IQCH: variants seen among roughly 807,000 people sequenced by gnomAD.
IQCH encodes IQ domain-containing protein H.
In IQCH, 98 loss-of-function variants were observed where a neutral mutation model predicts 117.0. The ratio of observed to expected loss-of-function variants is 0.84; its 90% CI spans 0.71 to 0.99. The LOEUF (loss-of-function observed/expected upper bound fraction) is 0.99. Ranked by LOEUF, IQCH falls within the 50% of genes least tolerant of loss-of-function variation. IQCH has a pLI of 0.00. For missense variants in IQCH, 1,102 were observed against 1,243.8 expected (o/e 0.89, Z 1.72); for synonymous variants, 412 against 448.2 (o/e 0.92, Z 1.02).
intron 4 of IQCH, among the ~76,000 whole-genome samples, chr15:67,301,105 G>T (rs897535390): frequency 5.9e-5 from 9 of 151,874 alleles, no homozygotes; most frequent in Non-Finnish European, 1.3e-4. Context: ...TACATAAATT[G>T]GTATCTTTTC....
chr15:67,261,906 C>T (rs1210883511), intron 2 of IQCH, among the ~76,000 whole-genome samples: 3 of 151,918 alleles, frequency 2.0e-5, no homozygotes, highest in Non-Finnish European at 2.9e-5. Context: ...GGCAACATGG[C>T]GAAACCCTGT....
rs2081901616 is a variant in IQCH, at chr15:67,426,763, C to T, written c.2505+5186C>T. Among the ~76,000 whole-genome samples, 1 of 152,038 alleles carries T rather than the reference C, an allele frequency of 6.6e-6. No individual in the cohort carries two copies. Among genetic ancestry groups the T allele is most frequent in the South Asian group, 2.1e-4 (1 of 4,824 alleles). On this transcript the variant is annotated intron_variant, in intron 16 of 20. Transcript: ENST00000335894. The surrounding 1 kb of genome is among the most constrained non-coding windows in gnomAD (Gnocchi z 5.1). ...CTGAGGCAGGAGAATTGCTTGAGCT[C>T]AGGAGTTCAATACCAGCCTGGGCAA...
chr15:67,495,455 C>T (rs1302493407), intron 20 of IQCH, among the ~76,000 whole-genome samples: 2 of 152,214 alleles, frequency 1.3e-5, no homozygotes, highest in Non-Finnish European at 2.9e-5. Flanking sequence ...TTGTCTTGGC[C>T]TCTCAAAGTG....
Position 67,395,842 on chromosome 15 carries a change from G to A in IQCH, c.1905+279G>A, listed in dbSNP as rs765905987. Among the ~76,000 whole-genome samples the A allele has an allele frequency of 6.6e-6, 1 of 151,754 alleles. No homozygotes were observed. The highest frequency in any genetic ancestry group is 2.4e-5 in the African/African-American group (1 of 41,278). Reference sequence around the variant, plus strand: ...TTTCTGTGACTTCCAGCTAATTTTTGTATTTTTAGTAGAGATGGGGTTTCA... The same window carrying A: ...TTTCTGTGACTTCCAGCTAATTTTTATATTTTTAGTAGAGATGGGGTTTCA... On this transcript the variant is annotated intron_variant, in intron 13 of 20. Coordinates refer to ENST00000335894, the MANE Select transcript of IQCH (RefSeq NM_001031715.3). This position sits in a 1 kb window ranked among gnomAD's most constrained non-coding sequence, Gnocchi z 4.0.
At chr15:67,262,141 A>G (rs16950804) in intron 2 of IQCH, among the ~76,000 whole-genome samples, 31,838 of 152,132 alleles carry the variant, frequency 0.21, 4,059 homozygotes, top group East Asian at 0.47. Flanking sequence ...AATAGCCTAA[A>G]TATTTTGAGC....
At position 67,494,140 on chromosome 15, in the gene IQCH, T is replaced by C; in HGVS notation, c.2862-118T>C. 1 of 621,266 alleles carries C rather than the reference T, an allele frequency of 1.6e-6. No individual in the cohort carries two copies. Among genetic ancestry groups the C allele is most frequent in the Non-Finnish European group, 2.7e-6 (1 of 376,116 alleles). 38.5% of individuals were successfully genotyped at this position (621,266 alleles called of 1,614,324 possible). ...TATCTCCCTGAAGATTGCCACCTTG[T>C]GAGATTGAAAATACTCATTAAATTC... On this transcript the variant is annotated intron_variant, in intron 19 of 20. Coordinates refer to ENST00000335894, the MANE Select transcript of IQCH (RefSeq NM_001031715.3). The surrounding 1 kb of genome is among the most constrained non-coding windows in gnomAD (Gnocchi z 5.5).
intron 19 of IQCH, among the ~76,000 whole-genome samples, chr15:67,492,748 G>T (rs2083695776): frequency 6.6e-6 from 1 of 152,164 alleles, no homozygotes; most frequent in South Asian, 2.1e-4. Flanking sequence ...CCAGGCAGAG[G>T]CAGGGTTCCT....
intron 4 of IQCH, among the ~76,000 whole-genome samples, chr15:67,295,933 A>G (rs1966849664): frequency 6.6e-6 from 1 of 152,092 alleles, no homozygotes; most frequent in African/African-American, 2.4e-5. Context: ...GTCTTAGTCT[A>G]ATTGTTGTCT....
Position 67,391,510 on chromosome 15 carries a change from T to C in IQCH, c.1632+2504T>C, listed in dbSNP as rs1971284098. Reference sequence around the variant, plus strand: ...TTGTAATGGTAAAATGTGCTCTTTATAAAAGTCATTATGTCTATTTTTAGA... The same window carrying C: ...TTGTAATGGTAAAATGTGCTCTTTACAAAAGTCATTATGTCTATTTTTAGA... On this transcript the variant is annotated intron_variant, in intron 12 of 20. Coordinates refer to ENST00000335894, the MANE Select transcript of IQCH (RefSeq NM_001031715.3). The surrounding 1 kb of genome is among the most constrained non-coding windows in gnomAD (Gnocchi z 4.3). 6.6e-6 allele frequency among the ~76,000 whole-genome samples: 1 copy of C among 152,192 alleles called. No individual in the cohort carries two copies. The highest frequency in any genetic ancestry group is 2.1e-4 in the South Asian group (1 of 4,830).
intron 5 of IQCH, among the ~76,000 whole-genome samples, chr15:67,340,874 G>A (rs1407995790): frequency 6.6e-6 from 1 of 152,208 alleles, no homozygotes; most frequent in East Asian, 1.9e-4. Context: ...TACAGATAGA[G>A]TGTATATCCT....
intron 6 of IQCH, among the ~76,000 whole-genome samples, chr15:67,350,907 G>A (rs1171857216): frequency 1.3e-5 from 2 of 152,178 alleles, no homozygotes; most frequent in Non-Finnish European, 2.9e-5. Flanking sequence ...GGAAAGCATA[G>A]GGAGCTGTAC....
rs758321278 is a variant in IQCH, at chr15:67,395,363, C to T, written c.1705C>T (p.Arg569Ter). 2.6e-5 allele frequency: 42 copies of T among 1,613,850 alleles called. No individual in the cohort carries two copies. The highest frequency in any genetic ancestry group is 1.8e-4 in the South Asian group (16 of 91,058). Residue 569 changes from arginine to a stop codon, truncating the protein, a stop_gained, in exon 13 of 21, where the codon CGA becomes TGA. Transcript: ENST00000335894. LOFTEE classifies it high-confidence loss of function. This position sits in a 1 kb window ranked among gnomAD's most constrained non-coding sequence, Gnocchi z 4.0. Reference sequence around the variant, plus strand: ...AATCAAAAGAATAAAAAATCTCATCCGAGGAACAGAGGCCTACATCGTCAG... The same window carrying T: ...AATCAAAAGAATAAAAAATCTCATCTGAGGAACAGAGGCCTACATCGTCAG... ...KAIKRIKNLI[R>*]GTEAYIVSGL...
chr15:67,317,549 T>C (rs1288377551), intron 4 of IQCH, among the ~76,000 whole-genome samples: 1 of 152,130 alleles, frequency 6.6e-6, no homozygotes, highest in Non-Finnish European at 1.5e-5. Flanking sequence ...TCTTTTAAGG[T>C]AGAATTAATT....
intron 18 of IQCH, among the ~76,000 whole-genome samples, chr15:67,483,175 A>G (rs1284904395): frequency 6.6e-6 from 1 of 152,196 alleles, no homozygotes; most frequent in Admixed American, 6.5e-5. Context: ...GGTTTGAGAT[A>G]TATATAAAAC....
At chr15:67,334,702 A>G (rs1968814565) in intron 4 of IQCH, among the ~76,000 whole-genome samples, 1 of 152,154 alleles carries the variant, frequency 6.6e-6, no homozygotes, top group South Asian at 2.1e-4. Context: ...GTATTTTTAA[A>G]AAGCTCCCTG....
rs2082695147 is a variant in IQCH at position 67,457,837 on chromosome 15, A to G, written c.2506-7290A>G. Among the ~76,000 whole-genome samples the G allele has an allele frequency of 1.3e-5, 2 of 152,200 alleles. No homozygotes were observed. Among genetic ancestry groups the G allele is most frequent in the Middle Eastern group, 3.4e-3 (1 of 294 alleles). The stretch of plus-strand genomic sequence containing the variant: ...CTCTCCCAAGCCACGGTCCCCTCCA[A>G]TCCCATTACTCTCAAGCTGTTGTCA... On this transcript the variant is annotated intron_variant, in intron 16 of 20. Transcript: ENST00000335894. This position sits in a 1 kb window ranked among gnomAD's most constrained non-coding sequence, Gnocchi z 5.7.
In IQCH at chr15:67,432,687, C is replaced by T. The variant is rs1355940632; in HGVS notation, c.2505+11110C>T. On this transcript the variant is annotated intron_variant, in intron 16 of 20. Transcript: ENST00000335894. The surrounding 1 kb of genome is among the most constrained non-coding windows in gnomAD (Gnocchi z 5.0). ...ATTTTTAAAAGTCACTGAGCATTATCATCATCTCAAAGTGATATATAAGCA... is the reference window on the plus strand; with the variant it reads ...ATTTTTAAAAGTCACTGAGCATTATTATCATCTCAAAGTGATATATAAGCA... Among the ~76,000 whole-genome samples the T allele has an allele frequency of 1.3e-5, 2 of 152,140 alleles. No individual in the cohort carries two copies. The highest frequency in any genetic ancestry group is 2.9e-5 in the Non-Finnish European group (2 of 68,010).
chr15:67,330,959 G>A (rs1462906670), intron 4 of IQCH, among the ~76,000 whole-genome samples: 2 of 152,112 alleles, frequency 1.3e-5, no homozygotes, highest in Middle Eastern at 3.2e-3. Context: ...TCAGGTAACA[G>A]AAAGGTAGAA....
chr15:67,397,610 C>T (rs1312988183), intron 13 of IQCH, among the ~76,000 whole-genome samples: 3 of 152,098 alleles, frequency 2.0e-5, no homozygotes, highest in Non-Finnish European at 4.4e-5. Flanking sequence ...GACTTTTTAC[C>T]GATGTGCATC....
Sources: gnomAD v4.1 joint callset for allele counts (sites outside exome capture counted in the v4.1 genomes callset) on GRCh38, gnomAD v4.1.1 for gene constraint, Gnocchi (gnomAD v3.1) non-coding constraint, MANE v1.5 for transcripts, NCBI Gene and HGNC (gene_info 2026-07-23, HGNC 2026-07-21) for gene names.